The following KCTD1 variants were observed in gnomAD, a reference collection of about 807,000 sequenced individuals.
The protein encoded by KCTD1 is BTB/POZ domain-containing protein KCTD1.
In KCTD1, 24 loss-of-function variants were observed where a neutral mutation model predicts 66.0. The observed-to-expected ratio is 0.36, with a 90% CI of 0.26 to 0.51. The LOEUF (loss-of-function observed/expected upper bound fraction) is 0.51. KCTD1 is among the 20% of genes least tolerant of loss of function. The pLI is 0.95. For synonymous variants in KCTD1, 511 were observed against 517.2 expected (o/e 0.99, Z 0.16); for missense variants, 943 against 1,205.2 (o/e 0.78, Z 3.22).
At chr18:26,502,284 C>T (rs775427562) in intron 1 of KCTD1, among the ~76,000 whole-genome samples, 1 of 152,138 alleles carries the variant, frequency 6.6e-6, no homozygotes, top group Non-Finnish European at 1.5e-5. Flanking sequence ...CTCCTGACCT[C>T]GTGATCCGCC....
intron 1 of KCTD1, among the ~76,000 whole-genome samples, chr18:26,573,589 G>T (rs1986159048): frequency 6.6e-6 from 1 of 152,224 alleles, no homozygotes; most frequent in Admixed American, 6.5e-5. Context: ...GAATCACCAT[G>T]AATGTGTGTG....
chr18:26,601,232 C>G (rs547430694), intron 1 of KCTD1, among the ~76,000 whole-genome samples: 1 of 141,714 alleles, frequency 7.1e-6, no homozygotes, highest in East Asian at 2.2e-4. Flanking sequence ...CCCGTACGGA[C>G]TTGGGGTCTA....
chr18:26,592,991 T>G (rs953538170), intron 1 of KCTD1, among the ~76,000 whole-genome samples: 12 of 152,222 alleles, frequency 7.9e-5, no homozygotes, highest in African/African-American at 2.9e-4. Context: ...TCAGTGAAGC[T>G]AATTTCTCCC....
intron 1 of KCTD1, among the ~76,000 whole-genome samples, chr18:26,582,877 A>G (rs8083176): frequency 0.98 from 149,091 of 152,074 alleles, 73,162 homozygotes; most frequent in East Asian, 1. Context: ...GAAGAAACTG[A>G]TAGTAGTGGT....
At position 26,486,444 on chromosome 18, in the gene KCTD1, G is replaced by A. The variant is rs540724442; in HGVS notation, c.1989-9785C>T. 3.3e-5 allele frequency among the ~76,000 whole-genome samples: 5 copies of A among 152,238 alleles called. No homozygotes were observed. The East Asian group carries it at 9.7e-4, about 29-fold the overall frequency. On this transcript the variant is annotated intron_variant, in intron 2 of 4. Coordinates refer to ENST00000580059, the MANE Select transcript of KCTD1 (RefSeq NM_001142730.3). Reference sequence around the variant, plus strand: ...CCTCCTGCCAATCTTTCTTCATCTCGCAGTTGCGCTCTTTGTTACAGAACG... The same window carrying A: ...CCTCCTGCCAATCTTTCTTCATCTCACAGTTGCGCTCTTTGTTACAGAACG...
chr18:26,636,585 G>T (rs1842127935), intron 1 of KCTD1, among the ~76,000 whole-genome samples: 3 of 152,182 alleles, frequency 2.0e-5, no homozygotes, highest in Admixed American at 2.0e-4. Context: ...AGTAATCGCG[G>T]TTCTTCTTAT....
intron 3 of KCTD1, among the ~76,000 whole-genome samples, chr18:26,472,145 A>G (rs1981101983): frequency 6.6e-6 from 1 of 152,110 alleles, no homozygotes; most frequent in Non-Finnish European, 1.5e-5. Flanking sequence ...AGGGGGAGGC[A>G]GACAGAGTGA....
chr18:26,575,440 C>A (rs949106280), intron 1 of KCTD1: 1 of 152,224 alleles, frequency 6.6e-6, no homozygotes, highest in Non-Finnish European at 1.5e-5. Context: ...ACGCCTGAGA[C>A]TGCGACCCCC....
chr18:26,619,503 T>C (rs1324923293), intron 1 of KCTD1, among the ~76,000 whole-genome samples: 1 of 152,232 alleles, frequency 6.6e-6, no homozygotes, highest in African/African-American at 2.4e-5. Context: ...TGTCTCAGAA[T>C]AGCCATTTCT....
chr18:26,479,480 A>T (rs1981521197), intron 2 of KCTD1, among the ~76,000 whole-genome samples: 1 of 152,286 alleles, frequency 6.6e-6, no homozygotes, highest in African/African-American at 2.4e-5. Context: ...GGGGCTGAAA[A>T]ACGCGCGCTG....
intron 1 of KCTD1, among the ~76,000 whole-genome samples, chr18:26,639,129 A>G (rs1313344361): frequency 6.6e-6 from 1 of 152,208 alleles, no homozygotes; most frequent in Non-Finnish European, 1.5e-5. Context: ...GTTCTGAACC[A>G]TGGAGATTGC....
chr18:26,522,312 T>C (rs1983951144), intron 1 of KCTD1, among the ~76,000 whole-genome samples: 1 of 152,140 alleles, frequency 6.6e-6, no homozygotes, highest in Admixed American at 6.5e-5. Flanking sequence ...CCACGTGAGC[T>C]TCAAGGCAGA....
At chr18:26,599,824 C>T in intron 1 of KCTD1, 2 of 1,559,412 alleles carry the variant, frequency 1.3e-6, no homozygotes, top group South Asian at 1.1e-5. Context: ...TGAGGAAATA[C>T]AGTCTGTTCG....
At chr18:26,599,676 G>A in intron 1 of KCTD1, 1 of 1,482,070 alleles carries the variant, frequency 6.7e-7, no homozygotes. Flanking sequence ...CGGCCTGGTG[G>A]ATGTCTTTTT....
At chr18:26,569,927 C>T (rs560602535) in intron 1 of KCTD1, among the ~76,000 whole-genome samples, 1 of 152,266 alleles carries the variant, frequency 6.6e-6, no homozygotes, top group South Asian at 2.1e-4. Flanking sequence ...TGGCTCACGC[C>T]TGTAATCCAA....
chr18:26,533,942 C>CT (rs1984570191), intron 1 of KCTD1, among the ~76,000 whole-genome samples: 1 of 150,802 alleles, frequency 6.6e-6, no homozygotes, highest in African/African-American at 2.4e-5. Context: ...TTCTAGATGA[C>CT]TAAGATATTT....
chr18:26,459,424 T>C, intron 4 of KCTD1, 196 bp downstream of exon 4: 1 of 572,984 alleles, frequency 1.7e-6, no homozygotes, highest in Non-Finnish European at 3.0e-6. Flanking sequence ...GTATCTCCAG[T>C]GCTCATCCCA....
intron 3 of KCTD1, among the ~76,000 whole-genome samples, chr18:26,465,912 C>A (rs1412586712): frequency 2.0e-5 from 3 of 152,200 alleles, no homozygotes; most frequent in Admixed American, 1.3e-4. Flanking sequence ...CCAGACAGCG[C>A]TAGTCACCAG....
chr18:26,472,939 G>A (rs114846499), intron 3 of KCTD1, among the ~76,000 whole-genome samples: 1 of 152,180 alleles, frequency 6.6e-6, no homozygotes, highest in Non-Finnish European at 1.5e-5. Flanking sequence ...AACCCAATCA[G>A]TCCCCTTGAT....
Sources: gnomAD v4.1 joint callset for allele counts (sites outside exome capture counted in the v4.1 genomes callset) on GRCh38, gnomAD v4.1.1 for gene constraint, MANE v1.5 for transcripts, NCBI Gene and HGNC (gene_info 2026-07-23, HGNC 2026-07-21) for gene names.